SCLY: variants seen among roughly 807,000 people sequenced by gnomAD.
SCLY encodes putative selenocysteine lyase.
In SCLY, 38 loss-of-function variants were observed where a neutral mutation model predicts 50.1. The observed-to-expected ratio is 0.76, with a 90% CI of 0.59 to 0.99. The LOEUF is 0.99. Ranked by LOEUF, SCLY falls within the 50% of genes least tolerant of loss-of-function variation. SCLY has a pLI of 0.00. For synonymous variants in SCLY, 243 were observed against 249.4 expected (o/e 0.97, Z 0.24); for missense variants, 600 against 620.0 (o/e 0.97, Z 0.34).
chr2:238,097,241 T>C (rs2065447992), intron 11 of SCLY, among the ~76,000 whole-genome samples: 2 of 152,108 alleles, frequency 1.3e-5, no homozygotes, highest in African/African-American at 4.8e-5. Flanking sequence ...GTGGGAGCCC[T>C]GAGGGCCATG....
At chr2:238,091,302 G>A (rs761129389) in intron 8 of SCLY, 48 bp downstream of exon 8, 49 of 1,516,402 alleles carry the variant, frequency 3.2e-5, no homozygotes, top group Non-Finnish European at 4.3e-5. Context: ...TTTGTCATCA[G>A]TGTCCCCAGC....
intron 4 of SCLY, among the ~76,000 whole-genome samples, chr2:238,072,950 CATGAA>C (rs1311911528): frequency 2.0e-5 from 3 of 152,166 alleles, no homozygotes; most frequent in African/African-American, 7.2e-5. Context: ...TACCCAAGGT[CATGAA>C]AATGTACTCA....
intron 4 of SCLY, among the ~76,000 whole-genome samples, chr2:238,076,722 TAAAA>T (rs59204483): frequency 8.4e-5 from 11 of 131,256 alleles, no homozygotes; most frequent in South Asian, 5.1e-4. Context: ...AAAAATAAAT[TAAAA>T]AAAAAAAAAA....
chr2:238,076,478 T>C (rs1374489798), intron 4 of SCLY, among the ~76,000 whole-genome samples: 1 of 70,228 alleles, frequency 1.4e-5, no homozygotes, highest in Admixed American at 1.3e-4. Context: ...TTTAGTATGT[T>C]GTGTCTTCAT....
intron 1 of SCLY, among the ~76,000 whole-genome samples, chr2:238,063,512 C>G (rs1244309336): frequency 6.6e-6 from 1 of 152,174 alleles, no homozygotes; most frequent in East Asian, 1.9e-4. Context: ...CGTGAGCCAC[C>G]GCGCCCAGCC....
chr2:238,087,978 G>C (rs1003576837), intron 7 of SCLY, among the ~76,000 whole-genome samples: 1 of 152,078 alleles, frequency 6.6e-6, no homozygotes, highest in African/African-American at 2.4e-5. Flanking sequence ...TATAATCCCA[G>C]CTACTCAGGA....
intron 3 of SCLY, among the ~76,000 whole-genome samples, chr2:238,068,922 G>C (rs941526627): frequency 1.3e-5 from 2 of 152,232 alleles, no homozygotes; most frequent in Non-Finnish European, 2.9e-5. Context: ...ATGGCCCACA[G>C]TAGAGGTTGT....
chr2:238,061,260 G>A, intron 1 of SCLY, 117 bp downstream of exon 1: 1 of 812,244 alleles, frequency 1.2e-6, no homozygotes. Flanking sequence ...CGTCCCGCGC[G>A]GGGATGTCCG....
At chr2:238,082,523 G>A (rs777977610) in intron 6 of SCLY, among the ~76,000 whole-genome samples, 1 of 152,244 alleles carries the variant, frequency 6.6e-6, no homozygotes, top group African/African-American at 2.4e-5. Context: ...CGGCCAGGCA[G>A]CGAGTGTCTC....
At chr2:238,091,542 A>C in intron 8 of SCLY, 1 of 361,664 alleles carries the variant, frequency 2.8e-6, no homozygotes. Context: ...GTCAAGCTGC[A>C]GGTTCACCAT....
At chr2:238,091,919 C>T (rs759215633) in intron 8 of SCLY, 3 of 152,940 alleles carry the variant, frequency 2.0e-5, no homozygotes, top group Non-Finnish European at 2.9e-5. Flanking sequence ...TCTGCTTCCC[C>T]GAGAGCAGGG....
At chr2:238,065,665 TA>T (rs2065063655) in intron 2 of SCLY, among the ~76,000 whole-genome samples, 1 of 147,128 alleles carries the variant, frequency 6.8e-6, no homozygotes, top group South Asian at 2.1e-4. Context: ...TTTATTTTAT[TA>T]TTATTATTAT....
intron 4 of SCLY, chr2:238,079,869 T>C (rs1432598149): frequency 6.6e-6 from 1 of 152,248 alleles, no homozygotes; most frequent in Non-Finnish European, 1.5e-5. Flanking sequence ...CAGAGACATT[T>C]TTCTGCCCCT....
At chr2:238,071,829 G>A (rs886862296) in intron 4 of SCLY, among the ~76,000 whole-genome samples, 2 of 152,010 alleles carry the variant, frequency 1.3e-5, no homozygotes, top group African/African-American at 2.4e-5. Context: ...AGCCTTCCTC[G>A]CACTCCCTCT....
chr2:238,081,824 T>C lies in SCLY; in HGVS notation c.600T>C (p.Thr200=). 1 of 1,613,916 alleles carries C rather than the reference T, an allele frequency of 6.2e-7. No individual in the cohort carries two copies. Residue 200 remains threonine (T), a synonymous_variant, in exon 5 of 12, where the codon ACT becomes ACC. Transcript: ENST00000254663. ...CCATCATGCTGGCCAACAATGAGAC[T>C]GGCATTGTCATGGTGAGTCGGCCTT... The part of the protein sequence containing the change: ...LVTIMLANNE[T]GIVMPVPEIS...
intron 8 of SCLY, chr2:238,091,547 C>CAAT: frequency 2.4e-5 from 10 of 412,392 alleles, no homozygotes; most frequent in Admixed American, 7.4e-5. Context: ...GCTGCAGGTT[C>CAAT]ACCATTCCCA....
intron 4 of SCLY, among the ~76,000 whole-genome samples, chr2:238,074,644 C>G (rs150381839): frequency 6.6e-6 from 1 of 151,992 alleles, no homozygotes; most frequent in Non-Finnish European, 1.5e-5. Context: ...CCACCATGCC[C>G]GGCTAATTTT....
chr2:238,065,651 A>T (rs1450038542), intron 2 of SCLY, among the ~76,000 whole-genome samples: 16 of 119,366 alleles, frequency 1.3e-4, no homozygotes, highest in African/African-American at 3.9e-4. Flanking sequence ...TAAACTAATA[A>T]TATTTTATTT....
At chr2:238,098,110 A>G (rs2065458706) in intron 11 of SCLY, 92 bp from the exon 12 acceptor site, 1 of 1,453,492 alleles carries the variant, frequency 6.9e-7, no homozygotes, top group Non-Finnish European at 9.3e-7. Flanking sequence ...GGGTGGGCAG[A>G]GCCCCACTAG....
Sources: allele counts gnomAD v4.1 joint callset (sites outside exome capture counted in the v4.1 genomes callset), GRCh38; gene constraint gnomAD v4.1.1; transcripts MANE v1.5; gene names NCBI Gene and HGNC (gene_info 2026-07-23, HGNC 2026-07-21).